LRP1B: variants seen among roughly 807,000 people sequenced by gnomAD.
LRP1B encodes low-density lipoprotein receptor-related protein 1B.
In LRP1B, 217 loss-of-function variants were observed where a neutral mutation model predicts 556.6. The ratio of observed to expected loss-of-function variants is 0.39; its 90% CI spans 0.35 to 0.44. The LOEUF (loss-of-function observed/expected upper bound fraction) is 0.44. Among genes scored for constraint, LRP1B ranks in the 20% least tolerant of loss-of-function variants. The pLI is 1.00. For missense variants in LRP1B, 5,053 were observed against 5,620.8 expected, an observed-to-expected ratio of 0.90 and a Z score of 3.23; for synonymous variants, 2,047 against 1,865.8, an observed-to-expected ratio of 1.10 and a Z score of -2.50.
intron 12 of LRP1B, among the ~76,000 whole-genome samples, 190 bp from the exon 13 acceptor site, chr2:141,016,105 A>G (rs569847694): frequency 6.6e-6 from 1 of 152,166 alleles, no homozygotes; most frequent in South Asian, 2.1e-4. Flanking sequence ...GTTTGGTAGA[A>G]CTGTGCATTT....
At chr2:140,301,427 A>ATC (rs1190307291) in intron 83 of LRP1B, among the ~76,000 whole-genome samples, 1 of 152,112 alleles carries the variant, frequency 6.6e-6, no homozygotes, top group Non-Finnish European at 1.5e-5. Flanking sequence ...AAAATCTAAT[A>ATC]TCTTCCGAGT....
At chr2:141,914,212 C>A (rs535950493) in intron 1 of LRP1B, among the ~76,000 whole-genome samples, 1 of 151,856 alleles carries the variant, frequency 6.6e-6, no homozygotes, top group South Asian at 2.1e-4. Flanking sequence ...ACTATGCAAA[C>A]CTAAATTAAT....
chr2:141,185,865 G>A (rs1681226358), intron 7 of LRP1B, among the ~76,000 whole-genome samples: 1 of 151,704 alleles, frequency 6.6e-6, no homozygotes, highest in Non-Finnish European at 1.5e-5. Flanking sequence ...GATCACAAGA[G>A]GTCAGCAGTT....
chr2:141,357,201 G>T (rs911158274), intron 3 of LRP1B, among the ~76,000 whole-genome samples: 1 of 151,822 alleles, frequency 6.6e-6, no homozygotes, highest in Non-Finnish European at 1.5e-5. Context: ...GACTACAGGC[G>T]TGCACCACCA....
chr2:140,820,217 T>G (rs1396354155), intron 31 of LRP1B, among the ~76,000 whole-genome samples: 1 of 152,146 alleles, frequency 6.6e-6, no homozygotes, highest in Non-Finnish European at 1.5e-5. Context: ...TGGCCTAAAG[T>G]GATCCACCTG....
intron 3 of LRP1B, among the ~76,000 whole-genome samples, chr2:141,473,172 A>C (rs1188314773): frequency 1.3e-5 from 2 of 152,208 alleles, no homozygotes; most frequent in African/African-American, 4.8e-5. Flanking sequence ...TCTGCAAAAA[A>C]AGCATATTTC....
Position 141,282,256 on chromosome 2 carries a change from A to G in LRP1B, c.344-27615T>C, listed in dbSNP as rs541678526. On this transcript the variant is annotated intron_variant, in intron 3 of 90. Coordinates refer to ENST00000389484, the MANE Select transcript of LRP1B (RefSeq NM_018557.3). ...GGACATGTAAAAGCTAGTTAATAAT[A>G]TAAATAAAACACTAGTCTTCAACTT... Among the ~76,000 whole-genome samples, 4 of 152,202 alleles carry G rather than the reference A, an allele frequency of 2.6e-5. No homozygotes were observed. In the South Asian group the frequency reaches 8.3e-4, roughly 32 times the overall value.
At chr2:141,184,838 A>G (rs192586083) in intron 7 of LRP1B, among the ~76,000 whole-genome samples, 1 of 150,636 alleles carries the variant, frequency 6.6e-6, no homozygotes, top group Admixed American at 6.6e-5. Flanking sequence ...CATACCCTTC[A>G]TCTTTATTTC....
intron 6 of LRP1B, among the ~76,000 whole-genome samples, chr2:141,223,535 TA>T (rs1360329464): frequency 2.6e-5 from 4 of 152,104 alleles, no homozygotes; most frequent in African/African-American, 9.7e-5. Flanking sequence ...AAAACTATTT[TA>T]AAATTCATAT....
At chr2:140,868,454 A>G (rs529373294) in intron 25 of LRP1B, among the ~76,000 whole-genome samples, 191 bp from the exon 26 acceptor site, 29 of 152,150 alleles carry the variant, frequency 1.9e-4, no homozygotes, top group Admixed American at 1.5e-3. Context: ...ATAAATATAT[A>G]ATTATGACTC....
intron 1 of LRP1B, among the ~76,000 whole-genome samples, chr2:141,822,660 A>G (rs953679628): frequency 6.6e-6 from 1 of 152,274 alleles, no homozygotes; most frequent in African/African-American, 2.4e-5. Flanking sequence ...TTCAAAGACT[A>G]CAATTGTTTT....
intron 3 of LRP1B, among the ~76,000 whole-genome samples, chr2:141,469,306 G>C (rs1053172260): frequency 1.3e-5 from 2 of 152,156 alleles, no homozygotes; most frequent in African/African-American, 4.8e-5. Context: ...GAAGTAACCA[G>C]TCTCATAGCT....
chr2:140,262,896 T>C (rs1033765237), intron 86 of LRP1B, among the ~76,000 whole-genome samples: 3 of 152,122 alleles, frequency 2.0e-5, no homozygotes, highest in East Asian at 1.9e-4. Context: ...AAAGGGGCTA[T>C]GGAAATGTGC....
rs1305014824 is a variant in LRP1B at position 141,020,106 on chromosome 2, T to TA, written c.1790-5dup. The TA allele has an allele frequency of 1.0e-5, 15 of 1,489,842 alleles. No individual in the cohort carries two copies. The highest frequency in any genetic ancestry group is 3.6e-4 in the Middle Eastern group (2 of 5,564). The allele number at this position is 1,489,842 out of a possible 1,614,324, so 92.3% of individuals were successfully genotyped here. A position where few individuals can be genotyped will look rare whatever the true frequency, so the allele number is the denominator to read the frequency against. On this transcript the variant is annotated splice_polypyrimidine_tract_variant and splice_region_variant and intron_variant, in intron 11 of 90. Transcript: ENST00000389484. ...ATGCCCTCTACATTATCCAGATCTA[T>TA]AAAAAAAGCAAAAACAAGAAAGAAA... is the stretch of plus-strand genomic sequence containing the variant.
At chr2:142,036,648 AT>A (rs988088525) in intron 1 of LRP1B, among the ~76,000 whole-genome samples, 10 of 151,586 alleles carry the variant, frequency 6.6e-5, no homozygotes, top group Admixed American at 4.6e-4. Flanking sequence ...TATACATTGC[AT>A]TTTTTTGACA....
At chr2:140,675,151 TC>T (rs1350242577) in intron 41 of LRP1B, among the ~76,000 whole-genome samples, 1 of 152,236 alleles carries the variant, frequency 6.6e-6, no homozygotes, top group Non-Finnish European at 1.5e-5. Flanking sequence ...ATTGAGCCCA[TC>T]CAGATTATCT....
intron 66 of LRP1B, among the ~76,000 whole-genome samples, chr2:140,428,358 G>A (rs146779666): frequency 0.026 from 3,980 of 152,144 alleles, 65 homozygotes; most frequent in African/African-American, 0.049. Flanking sequence ...AATTCCAAAC[G>A]CCTAAACCGC....
intron 62 of LRP1B, among the ~76,000 whole-genome samples, chr2:140,454,692 G>T (rs1687025285): frequency 6.6e-6 from 1 of 152,126 alleles, no homozygotes; most frequent in South Asian, 2.1e-4. Flanking sequence ...AATTCTTTCA[G>T]GGTGAGTTAG....
intron 1 of LRP1B, among the ~76,000 whole-genome samples, chr2:141,977,027 T>C (rs1250920345): frequency 6.6e-6 from 1 of 152,178 alleles, no homozygotes; most frequent in Non-Finnish European, 1.5e-5. Context: ...ATTTTAATGT[T>C]GCATGAAGTC....
Sources: gnomAD v4.1 joint callset for allele counts (sites outside exome capture counted in the v4.1 genomes callset) on GRCh38, gnomAD v4.1.1 for gene constraint, MANE v1.5 for transcripts, NCBI Gene and HGNC (gene_info 2026-07-23, HGNC 2026-07-21) for gene names.